The following PADI6 variants were observed in gnomAD, a reference collection of about 807,000 sequenced individuals.
PADI6 encodes inactive protein-arginine deiminase type-6.
PADI6 carries 66 observed loss-of-function variants against 78.2 expected under a neutral mutation model. That is an observed-to-expected ratio of 0.84 (90% CI 0.69 to 1.04). The LOEUF is 1.04. Ranked by LOEUF, PADI6 falls within the 50% of genes least tolerant of loss-of-function variation. The pLI, the probability that PADI6 is intolerant of heterozygous loss-of-function variation, is 0.00. For missense variants in PADI6, 854 were observed against 866.1 expected (o/e 0.99, Z 0.18); for synonymous variants, 397 against 346.9 (o/e 1.14, Z -1.60).
intron 15 of PADI6, 130 bp downstream of exon 15, chr1:17,398,977 A>T: frequency 2.9e-6 from 3 of 1,027,724 alleles, no homozygotes; most frequent in Non-Finnish European, 4.2e-6. Flanking sequence ...TGGGAGGGAG[A>T]CCCCTTCTCC....
At chr1:17,375,250 G>A (rs114573657) in intron 2 of PADI6, among the ~76,000 whole-genome samples, 177 bp from the exon 3 acceptor site, 2,421 of 152,224 alleles carry the variant, frequency 0.016, 72 homozygotes, top group African/African-American at 0.055. Context: ...AAGTCCTTAG[G>A]GGACTGACTC....
intron 3 of PADI6, 23 bp from the exon 4 acceptor site, chr1:17,379,897 G>A (rs1319752059): frequency 1.9e-6 from 3 of 1,610,990 alleles, no homozygotes; most frequent in Middle Eastern, 1.6e-4. Context: ...AGGTGGCTGG[G>A]ACACCCTTTT....
At position 17,401,200 on chromosome 1, in the gene PADI6, A is replaced by G. The variant is rs376768074; in HGVS notation, c.1852-5A>G. The G allele has an allele frequency of 6.2e-7, 1 of 1,613,426 alleles. No homozygotes were observed. The highest frequency in any genetic ancestry group is 8.5e-7 in the Non-Finnish European group (1 of 1,179,616). The stretch of plus-strand genomic sequence containing the variant: ...CAGGCCTCACCCACCCTGTCTTTCT[A>G]ACAGTTGCGGATGATTGTGATGGGC... On this transcript the variant is annotated splice_polypyrimidine_tract_variant and splice_region_variant and intron_variant, in intron 15 of 15. Coordinates refer to ENST00000619609, the MANE Select transcript of PADI6 (RefSeq NM_207421.4).
intron 1 of PADI6, 45 bp from the exon 2 acceptor site, chr1:17,373,011 G>A (rs1404173440): frequency 6.3e-7 from 1 of 1,575,526 alleles, no homozygotes; most frequent in East Asian, 2.3e-5. Flanking sequence ...CCTAGGCTGA[G>A]AAGGTGTTTG....
At position 17,375,387 on chromosome 1, in the gene PADI6, G is replaced by A. The variant is rs551417003; in HGVS notation, c.295-40G>A. On this transcript the variant is annotated intron_variant, in intron 2 of 15. Coordinates refer to ENST00000619609, the MANE Select transcript of PADI6 (RefSeq NM_207421.4). Reference sequence around the variant, plus strand: ...TGGGGCTCTGTTCCTGGCACCTCCCGTCCAACACTGCCTATGGTTTCGGGA... The same window carrying A: ...TGGGGCTCTGTTCCTGGCACCTCCCATCCAACACTGCCTATGGTTTCGGGA... 107 of 1,572,570 alleles carry A rather than the reference G, an allele frequency of 6.8e-5. 1 individual carries two copies. Among genetic ancestry groups the A allele is most frequent in the South Asian group, 6.3e-4 (55 of 87,466 alleles).
At chr1:17,387,466 G>C (rs146626670) in intron 6 of PADI6, among the ~76,000 whole-genome samples, 2,770 of 151,664 alleles carry the variant, frequency 0.018, 45 homozygotes, top group Non-Finnish European at 0.029. Context: ...GGAGGGGGGG[G>C]GGCCAGGCGT....
chr1:17,389,286 G>A (rs761363608), intron 8 of PADI6, among the ~76,000 whole-genome samples: 1 of 152,134 alleles, frequency 6.6e-6, no homozygotes, highest in Non-Finnish European at 1.5e-5. Context: ...GTGGGCCCTG[G>A]GTGTTACGGT....
intron 2 of PADI6, among the ~76,000 whole-genome samples, chr1:17,374,165 C>A (rs768003148): frequency 6.6e-6 from 1 of 152,056 alleles, no homozygotes; most frequent in Non-Finnish European, 1.5e-5. Context: ...GGGGTGAGAA[C>A]CATGATGGAG....
intron 2 of PADI6, among the ~76,000 whole-genome samples, chr1:17,375,191 T>G (rs74058750): frequency 0.028 from 4,282 of 152,218 alleles, 221 homozygotes; most frequent in African/African-American, 0.096. Flanking sequence ...ACAGGTGGTT[T>G]CAAGCCTGGC....
intron 3 of PADI6, among the ~76,000 whole-genome samples, chr1:17,376,941 AAG>A (rs753239066): frequency 6.6e-6 from 1 of 152,014 alleles, no homozygotes; most frequent in Non-Finnish European, 1.5e-5. Context: ...AACTGGAGTG[AAG>A]AGACACGATC....
At chr1:17,392,663 A>G (rs1302568313) in intron 9 of PADI6, among the ~76,000 whole-genome samples, 1 of 152,262 alleles carries the variant, frequency 6.6e-6, no homozygotes, top group Admixed American at 6.5e-5. Flanking sequence ...AGCACCAGAG[A>G]TAAACTGGAA....
chr1:17,393,166 GT>G (rs2075206567), intron 9 of PADI6, among the ~76,000 whole-genome samples: 1 of 151,916 alleles, frequency 6.6e-6, no homozygotes, highest in Non-Finnish European at 1.5e-5. Flanking sequence ...AAAATCTGGG[GT>G]TGTGCTTGGA....
intron 4 of PADI6, among the ~76,000 whole-genome samples, chr1:17,380,462 G>A (rs1167284851): frequency 6.6e-6 from 1 of 152,204 alleles, no homozygotes; most frequent in African/African-American, 2.4e-5. Context: ...CCATCTCCCA[G>A]GTTCACGCCA....
At chr1:17,375,781 G>A (rs1049330214) in intron 3 of PADI6, among the ~76,000 whole-genome samples, 2 of 151,976 alleles carry the variant, frequency 1.3e-5, no homozygotes, top group Admixed American at 6.6e-5. Flanking sequence ...ACCCACCTAC[G>A]CCTGTCTAGT....
intron 3 of PADI6, among the ~76,000 whole-genome samples, chr1:17,375,727 TTC>T (rs2075009672): frequency 6.6e-6 from 1 of 152,190 alleles, no homozygotes; most frequent in Admixed American, 6.5e-5. Context: ...GCCAACCTAA[TTC>T]TGAGAATAGA....
At chr1:17,389,916 A>G (rs1215659615) in intron 8 of PADI6, among the ~76,000 whole-genome samples, 4 of 152,196 alleles carry the variant, frequency 2.6e-5, no homozygotes, top group Non-Finnish European at 4.4e-5. Context: ...CTTTATTGCA[A>G]ATTCCTTAGG....
chr1:17,396,492 T>C (rs2075248635), intron 13 of PADI6, among the ~76,000 whole-genome samples: 1 of 152,148 alleles, frequency 6.6e-6, no homozygotes, highest in Non-Finnish European at 1.5e-5. Flanking sequence ...ACCTGGGAGC[T>C]TGTTAAAAAT....
intron 15 of PADI6, among the ~76,000 whole-genome samples, 190 bp downstream of exon 15, chr1:17,399,037 G>C (rs1570154487): frequency 6.6e-6 from 1 of 152,222 alleles, no homozygotes; most frequent in East Asian, 1.9e-4. Context: ...TACAGGGCCT[G>C]AAGGCTTGGA....
intron 2 of PADI6, among the ~76,000 whole-genome samples, chr1:17,374,395 A>C (rs2074995261): frequency 6.6e-6 from 1 of 151,660 alleles, no homozygotes; most frequent in Non-Finnish European, 1.5e-5. Context: ...GAAGGCTGAG[A>C]TGGGCAGATC....
Sources: allele counts gnomAD v4.1 joint callset (sites outside exome capture counted in the v4.1 genomes callset), GRCh38; gene constraint gnomAD v4.1.1; transcripts MANE v1.5; gene names NCBI Gene and HGNC (gene_info 2026-07-23, HGNC 2026-07-21).